C16orf96: variants seen among roughly 807,000 people sequenced by gnomAD.
C16orf96 encodes chromosome 16 open reading frame 96, also known as uncharacterized protein C16orf96.
A neutral mutation model predicts 103.6 loss-of-function variants in C16orf96; 108 were observed. The observed-to-expected ratio is 1.04, with a 90% CI of 0.89 to 1.22. The LOEUF is 1.22. Ranked by LOEUF, C16orf96 falls within the 50% of genes most tolerant of loss-of-function variation. C16orf96 has a pLI of 0.00. For missense variants in C16orf96, 1,586 were observed against 1,464.2 expected (o/e 1.08, Z -1.36); for synonymous variants, 566 against 593.5 (o/e 0.95, Z 0.67).
the C16orf96 span, among the ~76,000 whole-genome samples, chr16:4,543,653 G>GTT: frequency 2.6e-5 from 4 of 151,778 alleles, no homozygotes; most frequent in Non-Finnish European, 5.9e-5. Flanking sequence ...ATTTATCTTT[G>GTT]TTTTTATTTT....
At chr16:4,563,592 G>A (rs934304217) in intron 1 of C16orf96, among the ~76,000 whole-genome samples, 1 of 148,996 alleles carries the variant, frequency 6.7e-6, no homozygotes, top group Non-Finnish European at 1.5e-5. Context: ...GTTTTGAGAC[G>A]GAGTCTCGCT....
intron 15 of C16orf96, 67 bp from the exon 16 acceptor site, chr16:4,600,033 C>G: frequency 5.0e-6 from 7 of 1,400,320 alleles, no homozygotes; most frequent in Non-Finnish European, 4.9e-6. Flanking sequence ...GGGGATGGCC[C>G]CATCAGGCTA....
At chr16:4,574,892 C>G in intron 3 of C16orf96, 80 bp from the exon 4 acceptor site, 1 of 1,524,624 alleles carries the variant, frequency 6.6e-7, no homozygotes, top group Non-Finnish European at 8.9e-7. Context: ...AGAACACAGC[C>G]TGGAAAGGTT....
chr16:4,573,199 A>G (rs2059457904), intron 2 of C16orf96, among the ~76,000 whole-genome samples: 1 of 152,122 alleles, frequency 6.6e-6, no homozygotes, highest in African/African-American at 2.4e-5. Context: ...GCACTTTGGG[A>G]AGCCAAAGCA....
intron 1 of C16orf96, 137 bp from the exon 2 acceptor site, chr16:4,571,424 C>G (rs1428058343): frequency 1.5e-6 from 1 of 666,574 alleles, no homozygotes; most frequent in Non-Finnish European, 2.5e-6. Context: ...TCCTGGTCCC[C>G]TTGTAGGTTC....
rs968329437 is a variant in C16orf96, at chr16:4,575,409, C to T, written c.929C>T (p.Pro310Leu). 32 of 1,550,186 alleles carry T rather than the reference C, an allele frequency of 2.1e-5. No homozygotes were observed. Among genetic ancestry groups the T allele is most frequent in the Middle Eastern group, 1.7e-4 (1 of 6,014 alleles). The change falls in exon 5 of 16, where the codon CCG becomes CTG. Residue 310 changes from proline to leucine, a missense_variant. Physicochemically the swap from Pro to Leu is moderately conservative, Grantham distance 98. Transcript: ENST00000444310. ...AGAGCCCAGGAGCCAGCGCAGCCTC[C>T]GGCCCTCACGCCTGAGTCTGCACCT... ...LSRAQEPAQP[P>L]ALTPESAPGC... is the part of the protein sequence containing the mutation.
upstream of C16orf96, among the ~76,000 whole-genome samples, chr16:4,552,998 G>T (rs1303711101): frequency 6.6e-6 from 1 of 152,180 alleles, no homozygotes; most frequent in Non-Finnish European, 1.5e-5. Context: ...CCTACTGTGT[G>T]CAGGGATCTG....
At chr16:4,592,421 A>G in intron 11 of C16orf96, 54 bp downstream of exon 11, 1 of 1,543,356 alleles carries the variant, frequency 6.5e-7, no homozygotes, top group South Asian at 1.2e-5. Flanking sequence ...GGGCCCATGG[A>G]GGTCATCTCC....
chr16:4,556,346 G>GA lies in C16orf96; in HGVS notation c.-143dup. On this transcript the variant is annotated 5_prime_UTR_variant, in exon 1 of 16. Coordinates refer to ENST00000444310, the MANE Select transcript of C16orf96 (RefSeq NM_001145011.2). ...TCTGATCTGAGCTCCAGCCAGAACAGAGGCCATTCCTCCCTGACTGCTGTG... is the reference window on the plus strand; with the variant it reads ...TCTGATCTGAGCTCCAGCCAGAACAGAAGGCCATTCCTCCCTGACTGCTGTG... 2.6e-6 allele frequency: 2 copies of GA among 769,016 alleles called. No individual in the cohort carries two copies. The highest frequency in any genetic ancestry group is 4.0e-6 in the Non-Finnish European group (2 of 499,348). 47.6% of individuals were successfully genotyped at this position (769,016 alleles called of 1,614,324 possible).
chr16:4,561,853 C>T (rs111678133), intron 1 of C16orf96, among the ~76,000 whole-genome samples: 131 of 152,258 alleles, frequency 8.6e-4, no homozygotes, highest in African/African-American at 2.9e-3. Flanking sequence ...GTTCCTTTCG[C>T]GAGTCCCAGT....
At chr16:4,572,945 G>A (rs1231459722) in intron 2 of C16orf96, among the ~76,000 whole-genome samples, 3 of 152,092 alleles carry the variant, frequency 2.0e-5, no homozygotes, top group Non-Finnish European at 1.5e-5. Context: ...CACACCCCCA[G>A]GTTTAACAAC....
intron 1 of C16orf96, among the ~76,000 whole-genome samples, chr16:4,559,826 A>G (rs2059309021): frequency 6.6e-6 from 1 of 152,092 alleles, no homozygotes; most frequent in Admixed American, 6.6e-5. Flanking sequence ...TATTCTGGAC[A>G]TTTCATCTAA....
At chr16:4,568,402 A>G (rs566591793) in intron 1 of C16orf96, among the ~76,000 whole-genome samples, 83 of 152,124 alleles carry the variant, frequency 5.5e-4, no homozygotes, top group African/African-American at 1.6e-3. Context: ...TGTTATGTCT[A>G]GTTGGTTTAT....
chr16:4,580,234 C>A, intron 7 of C16orf96, 109 bp downstream of exon 7: 3 of 820,998 alleles, frequency 3.7e-6, no homozygotes, highest in Non-Finnish European at 5.4e-6. Context: ...GCACTTGAGG[C>A]TGGGAACCAG....
chr16:4,598,245 G>C (rs996746371), intron 14 of C16orf96, among the ~76,000 whole-genome samples: 4 of 152,170 alleles, frequency 2.6e-5, no homozygotes, highest in Non-Finnish European at 5.9e-5. Flanking sequence ...CAGCTACTTG[G>C]GGGGCTGAGG....
In C16orf96 at chr16:4,600,202, T is replaced by C. The variant is rs1187942048; in HGVS notation, c.3311T>C (p.Leu1104Pro). The change falls in exon 16 of 16, where the codon CTG becomes CCG. Residue 1104 changes from leucine (L) to proline (P), a missense_variant. Leu to Pro is a moderately conservative substitution (Grantham distance 98). Coordinates refer to ENST00000444310, the MANE Select transcript of C16orf96 (RefSeq NM_001145011.2). Reference sequence around the variant, plus strand: ...CCACCTCTGCTGCTGCTGCCACCGCTGATTCCATCCCTAAGGGACCCCCAG... The same window carrying C: ...CCACCTCTGCTGCTGCTGCCACCGCCGATTCCATCCCTAAGGGACCCCCAG... ...SLPPLLLLPPLIPSLRDPQQA... is the reference protein window; with the variant it reads ...SLPPLLLLPPPIPSLRDPQQA... 6.4e-7 allele frequency: 1 copy of C among 1,551,586 alleles called. No individual in the cohort carries two copies. Among genetic ancestry groups the C allele is most frequent in the Non-Finnish European group, 8.7e-7 (1 of 1,146,960 alleles).
At chr16:4,563,515 G>T (rs977001263) in intron 1 of C16orf96, among the ~76,000 whole-genome samples, 5 of 152,098 alleles carry the variant, frequency 3.3e-5, no homozygotes, top group African/African-American at 1.2e-4. Flanking sequence ...TCAGCCCAAA[G>T]TGCTGGGATT....
At chr16:4,569,084 C>G (rs1003357019) in intron 1 of C16orf96, among the ~76,000 whole-genome samples, 3 of 152,038 alleles carry the variant, frequency 2.0e-5, no homozygotes, top group African/African-American at 7.2e-5. Context: ...ATCCTCTCAC[C>G]TCTGCCTCCC....
intron 9 of C16orf96, among the ~76,000 whole-genome samples, chr16:4,589,751 A>G (rs1375548709): frequency 2.0e-5 from 3 of 152,214 alleles, no homozygotes; most frequent in Non-Finnish European, 4.4e-5. Flanking sequence ...ACATGATAAT[A>G]GTGTTGTGGT....
Sources: allele counts gnomAD v4.1 joint callset (sites outside exome capture counted in the v4.1 genomes callset), GRCh38; gene constraint gnomAD v4.1.1; transcripts MANE v1.5; gene names NCBI Gene and HGNC (gene_info 2026-07-23, HGNC 2026-07-21).